The following PRKD3 variants were observed in gnomAD, a reference collection of about 807,000 sequenced individuals.
PRKD3 encodes the protein serine/threonine-protein kinase D3.
In PRKD3, 47 loss-of-function variants were observed where a neutral mutation model predicts 99.2. The observed-to-expected ratio is 0.47, with a 90% CI of 0.38 to 0.60. The LOEUF is 0.60. Ranked by LOEUF, PRKD3 falls within the 20% of genes least tolerant of loss-of-function variation. The probability of loss-of-function intolerance (pLI) is 0.00; values close to 1 mark genes in which losing one functional copy is unlikely to be tolerated. For synonymous variants in PRKD3, 392 were observed against 355.4 expected, an observed-to-expected ratio of 1.10 and a Z score of -1.16; for missense variants, 1,019 against 1,088.4, an observed-to-expected ratio of 0.94 and a Z score of 0.90.
chr2:37,295,702 C>T (rs1003541500), intron 2 of PRKD3, among the ~76,000 whole-genome samples: 25 of 152,180 alleles, frequency 1.6e-4, no homozygotes, highest in African/African-American at 6.0e-4. Context: ...AATTAAATTA[C>T]TTGATGGCTG....
chr2:37,298,769 G>C (rs1162418174), intron 2 of PRKD3, among the ~76,000 whole-genome samples: 3 of 152,102 alleles, frequency 2.0e-5, no homozygotes, highest in Non-Finnish European at 2.9e-5. Flanking sequence ...TCTGTATGTT[G>C]ATTTTGTATC....
chr2:37,282,517 C>A, intron 7 of PRKD3, 25 bp downstream of exon 7: 3 of 1,465,538 alleles, frequency 2.0e-6, no homozygotes, highest in Non-Finnish European at 2.9e-6. Context: ...TGATCTTTCA[C>A]AAAAATTAAG....
At chr2:37,314,031 CAAAGA>C (rs1671557572) in intron 2 of PRKD3, among the ~76,000 whole-genome samples, 1 of 152,116 alleles carries the variant, frequency 6.6e-6, no homozygotes, top group African/African-American at 2.4e-5. Context: ...GCCAAAAAAT[CAAAGA>C]AAAGAACTGA....
At position 37,252,882 on chromosome 2, in the gene PRKD3, A is replaced by G. The variant is rs549982491; in HGVS notation, c.*295T>C. 132 of 156,640 alleles carry G rather than the reference A, an allele frequency of 8.4e-4. No homozygotes were observed. Among genetic ancestry groups the G allele is most frequent in the South Asian group, 2.6e-3 (12 of 4,694 alleles). The allele number at this position is 156,640 out of a possible 1,614,324, so 9.7% of individuals were successfully genotyped here. ...ATATATAAAGAGAAATGGGAAGACA[A>G]ATTAAGTGAGCCTATTGTATTAAAG... On this transcript the variant is annotated 3_prime_UTR_variant, in exon 19 of 19. Transcript: ENST00000234179.
intron 2 of PRKD3, among the ~76,000 whole-genome samples, chr2:37,302,854 C>G (rs565433239): frequency 1.3e-5 from 2 of 152,220 alleles, no homozygotes; most frequent in African/African-American, 4.8e-5. Flanking sequence ...AAATACTAGG[C>G]AGACAGGGGT....
chr2:37,273,094 C>A (rs1197491609), intron 11 of PRKD3, among the ~76,000 whole-genome samples: 1 of 151,990 alleles, frequency 6.6e-6, no homozygotes, highest in African/African-American at 2.4e-5. Flanking sequence ...GGTTGGGGGA[C>A]AAAGAGTTTT....
chr2:37,302,314 G>T (rs183412224), intron 2 of PRKD3, among the ~76,000 whole-genome samples: 1 of 152,154 alleles, frequency 6.6e-6, no homozygotes, highest in African/African-American at 2.4e-5. Context: ...GCAAAATGAA[G>T]TATTTTCCCA....
At chr2:37,285,051 T>G (rs2148563032) in intron 6 of PRKD3, among the ~76,000 whole-genome samples, 2 of 152,342 alleles carry the variant, frequency 1.3e-5, no homozygotes, top group Middle Eastern at 6.8e-3. Context: ...ATGTTTTATT[T>G]AGATCACTTG....
chr2:37,300,159 T>C (rs1015247560), intron 2 of PRKD3, among the ~76,000 whole-genome samples: 51 of 152,134 alleles, frequency 3.4e-4, no homozygotes, highest in African/African-American at 1.2e-3. Context: ...GAAAATGTGA[T>C]ACACATACAT....
chr2:37,316,683 G>T lies in PRKD3; in HGVS notation c.-159C>A. Reference sequence around the variant, plus strand: ...AAGCCACTCATGCCGATACTTTTAAGTTTTATCAAGGAGTTGAATGCCCCA... The same window carrying T: ...AAGCCACTCATGCCGATACTTTTAATTTTTATCAAGGAGTTGAATGCCCCA... On this transcript the variant is annotated 5_prime_UTR_variant, in exon 2 of 19. Coordinates refer to ENST00000234179, the MANE Select transcript of PRKD3 (RefSeq NM_005813.6). The T allele has an allele frequency of 7.0e-7, 1 of 1,433,318 alleles. No homozygotes were observed. The highest frequency in any genetic ancestry group is 1.5e-5 in the South Asian group (1 of 65,086). The allele number at this position is 1,433,318 out of a possible 1,614,324, so 88.8% of individuals were successfully genotyped here.
At chr2:37,285,388 A>G (rs984283321) in intron 6 of PRKD3, among the ~76,000 whole-genome samples, 1 of 152,350 alleles carries the variant, frequency 6.6e-6, no homozygotes, top group Non-Finnish European at 1.5e-5. Context: ...AGAATACTAT[A>G]GAAGTGTGCT....
At chr2:37,264,675 C>T (rs1233952571) in intron 14 of PRKD3, among the ~76,000 whole-genome samples, 1 of 151,872 alleles carries the variant, frequency 6.6e-6, no homozygotes, top group South Asian at 2.1e-4. Flanking sequence ...AATGCAAAGC[C>T]TTTTGAGACA....
chr2:37,319,488 G>C (rs1232404563), intron 1 of PRKD3, among the ~76,000 whole-genome samples: 1 of 152,180 alleles, frequency 6.6e-6, no homozygotes, highest in African/African-American at 2.4e-5. Flanking sequence ...TTAAAGGTAA[G>C]TGTAAAGCTT....
chr2:37,295,690 AAAATT>A (rs1670644369), intron 2 of PRKD3, among the ~76,000 whole-genome samples: 1 of 152,242 alleles, frequency 6.6e-6, no homozygotes, highest in South Asian at 2.1e-4. Context: ...AGTTCTTATC[AAAATT>A]AAATTACTTG....
intron 6 of PRKD3, among the ~76,000 whole-genome samples, chr2:37,283,889 A>G (rs1226960501): frequency 7.0e-6 from 1 of 143,476 alleles, no homozygotes; most frequent in African/African-American, 2.6e-5. Flanking sequence ...CGACAGAGCA[A>G]GACTCTGTCT....
chr2:37,318,364 T>G (rs1001911645), intron 1 of PRKD3, among the ~76,000 whole-genome samples: 8 of 152,198 alleles, frequency 5.3e-5, no homozygotes, highest in African/African-American at 2.4e-5. Flanking sequence ...TCTTTGAAAG[T>G]TGACAGGGTA....
At chr2:37,255,993 G>GCCCC (rs1667904577) in intron 17 of PRKD3, among the ~76,000 whole-genome samples, 5 of 152,306 alleles carry the variant, frequency 3.3e-5, no homozygotes, top group African/African-American at 1.2e-4. Flanking sequence ...CTGGGTGACA[G>GCCCC]AGGGAGACCC....
chr2:37,324,645 G>C (rs1461335891), intron 1 of PRKD3, 36 bp downstream of exon 1: 2 of 151,450 alleles, frequency 1.3e-5, no homozygotes, highest in Non-Finnish European at 2.9e-5. Context: ...GAACTTTTTC[G>C]GTGTCTGTTC....
chr2:37,293,561 T>C (rs1015820731), intron 2 of PRKD3, among the ~76,000 whole-genome samples: 3 of 152,224 alleles, frequency 2.0e-5, no homozygotes, highest in Non-Finnish European at 4.4e-5. Flanking sequence ...GAGAATATAA[T>C]CTTAAACTTA....
Sources: allele counts gnomAD v4.1 joint callset (sites outside exome capture counted in the v4.1 genomes callset), GRCh38; gene constraint gnomAD v4.1.1; transcripts MANE v1.5; gene names NCBI Gene and HGNC (gene_info 2026-07-23, HGNC 2026-07-21).